LNX1: variants seen among roughly 807,000 people sequenced by gnomAD.
LNX1 encodes E3 ubiquitin-protein ligase LNX.
A neutral mutation model predicts 68.4 loss-of-function variants in LNX1; 54 were observed. The ratio of observed to expected loss-of-function variants is 0.79; its 90% confidence interval spans 0.63 to 0.99. The LOEUF (loss-of-function observed/expected upper bound fraction) is 0.99. LNX1 is among the 50% of genes least tolerant of loss of function. LNX1 has a pLI of 0.00. For synonymous variants in LNX1, 336 were observed against 350.0 expected, an observed-to-expected ratio of 0.96 and a Z score of 0.45; for missense variants, 906 against 926.4, an observed-to-expected ratio of 0.98 and a Z score of 0.29.
chr4:53,641,559 A>G (rs149449434), intron 1 of LNX1, among the ~76,000 whole-genome samples: 194 of 152,304 alleles, frequency 1.3e-3, no homozygotes, highest in African/African-American at 4.4e-3. Context: ...CAGGGGTTCA[A>G]CCTAATGCAC....
intron 2 of LNX1, among the ~76,000 whole-genome samples, chr4:53,557,150 T>A (rs1577709608): frequency 1.3e-5 from 2 of 152,242 alleles, no homozygotes; most frequent in East Asian, 3.8e-4. Context: ...ACATGAGGCA[T>A]TTCCTTGCAT....
At chr4:53,617,190 GTACC>G (rs1733710937) in intron 1 of LNX1, 1 of 51,636 alleles carries the variant, frequency 1.9e-5, no homozygotes, top group Admixed American at 2.2e-4. Context: ...ATAAGACCTA[GTACC>G]TAGTCTAATA....
At chr4:53,517,928 G>A (rs1056204590) in intron 2 of LNX1, among the ~76,000 whole-genome samples, 45 of 152,108 alleles carry the variant, frequency 3.0e-4, no homozygotes, top group African/African-American at 1.1e-3. Context: ...TCGCCCCAGA[G>A]GACAGGTGGA....
At chr4:53,618,908 A>G (rs1288651419), upstream of LNX1, among the ~76,000 whole-genome samples, 3 of 151,936 alleles carry the variant, frequency 2.0e-5, no homozygotes, top group Admixed American at 6.6e-5. Context: ...TGTTTTTTTT[A>G]TATGTATACA....
upstream of LNX1, among the ~76,000 whole-genome samples, chr4:53,592,085 C>G (rs1053133499): frequency 1.3e-5 from 2 of 151,940 alleles, no homozygotes; most frequent in Non-Finnish European, 2.9e-5. Context: ...TTTGCGCTAC[C>G]CCCTCCCCCG....
Position 53,459,589 on chromosome 4 carries a change from TAA to T in LNX1, c.*1316_*1317del, listed in dbSNP as rs1268169666. 9 of 1,211,020 alleles carry T rather than the reference TAA, an allele frequency of 7.4e-6. No homozygotes were observed. Among genetic ancestry groups the T allele is most frequent in the East Asian group, 2.4e-5 (1 of 42,332 alleles). The allele number at this position is 1,211,020 out of a possible 1,614,324, so 75.0% of individuals were successfully genotyped here. ...TGAAAAGTTAACTTTTTTTCCAAAATAAAAGAGTGAATTTTTCATGTTAAGTT... is the reference window on the plus strand; with the variant it reads ...TGAAAAGTTAACTTTTTTTCCAAAATAAGAGTGAATTTTTCATGTTAAGTT... On this transcript the variant is annotated 3_prime_UTR_variant, in exon 11 of 11. Coordinates refer to ENST00000263925, the MANE Select transcript of LNX1 (RefSeq NM_001126328.3).
At chr4:53,606,686 A>ACAT (rs753676776) in intron 2 of LNX1, among the ~76,000 whole-genome samples, 1 of 152,204 alleles carries the variant, frequency 6.6e-6, no homozygotes, top group Non-Finnish European at 1.5e-5. Flanking sequence ...TCTTTGATGA[A>ACAT]CATCAATGCA....
chr4:53,516,227 G>A (rs2109552810), intron 2 of LNX1, among the ~76,000 whole-genome samples: 1 of 152,144 alleles, frequency 6.6e-6, no homozygotes, highest in African/African-American at 2.4e-5. Flanking sequence ...GGGCAACAGA[G>A]CAACACCCTA....
Position 53,481,727 on chromosome 4 carries a change from G to A in LNX1, c.1478C>T (p.Thr493Ile), listed in dbSNP as rs1444719752. 3 of 1,613,586 alleles carry A rather than the reference G, an allele frequency of 1.9e-6. No individual in the cohort carries two copies. The highest frequency in any genetic ancestry group is 1.7e-5 in the Admixed American group (1 of 59,966). Reference protein sequence around the residue: ...WSPGPGERSNTPKPLHPTITC... With the variant: ...WSPGPGERSNIPKPLHPTITC... The stretch of plus-strand genomic sequence containing the variant: ...CTGCCCTAGAGGCCTCACCTTGGGA[G>A]TGTTGCTCCTCTCCCCTGGCCCTGG... The change falls in exon 7 of 11, where the codon ACT becomes ATT. Residue 493 changes from threonine to isoleucine, a missense_variant. Thr to Ile is a moderately conservative substitution (Grantham distance 89). Transcript: ENST00000263925.
chr4:53,628,511 C>T (rs1734156025), intron 1 of LNX1, among the ~76,000 whole-genome samples: 1 of 152,102 alleles, frequency 6.6e-6, no homozygotes, highest in Non-Finnish European at 1.5e-5. Flanking sequence ...GTGGATGTGA[C>T]AAAAGGGGAA....
intron 2 of LNX1, among the ~76,000 whole-genome samples, chr4:53,554,218 G>A (rs997652256): frequency 5.3e-5 from 8 of 152,180 alleles, no homozygotes; most frequent in Admixed American, 2.6e-4. Context: ...TGTCCAGCCC[G>A]CTGCCACTGG....
chr4:53,594,331 C>T (rs1180040488), upstream of LNX1, among the ~76,000 whole-genome samples: 1 of 152,084 alleles, frequency 6.6e-6, no homozygotes, highest in African/African-American at 2.4e-5. Flanking sequence ...AGTTGTAACT[C>T]TCTATGACAT....
At chr4:53,630,103 A>G (rs1489023056) in intron 1 of LNX1, among the ~76,000 whole-genome samples, 1 of 151,924 alleles carries the variant, frequency 6.6e-6, no homozygotes, top group Non-Finnish European at 1.5e-5. Flanking sequence ...TGGGGGGGGC[A>G]TGCGGGTGGG....
chr4:53,498,435 G>T (rs950878915), intron 5 of LNX1, among the ~76,000 whole-genome samples: 1 of 152,046 alleles, frequency 6.6e-6, no homozygotes, highest in Non-Finnish European at 1.5e-5. Context: ...AGAGAGAAAG[G>T]GGGGAGAGAG....
At position 53,460,310 on chromosome 4, in the gene LNX1, G is replaced by A. The variant is rs573429232; in HGVS notation, c.*597C>T. 11 of 189,704 alleles carry A rather than the reference G, an allele frequency of 5.8e-5. No individual in the cohort carries two copies. The highest frequency in any genetic ancestry group is 1.9e-4 in the African/African-American group (8 of 42,964). 11.8% of individuals were successfully genotyped at this position (189,704 alleles called of 1,614,324 possible). On this transcript the variant is annotated 3_prime_UTR_variant, in exon 11 of 11. Coordinates refer to ENST00000263925, the MANE Select transcript of LNX1 (RefSeq NM_001126328.3). ...CAAGTTTATAATTAATTCTCTGAGC[G>A]AGCATTTTTAGGGATAAGCCTAGGA...
Position 53,622,932 on chromosome 4 carries a change from G to A in LNX1, c.-215+29236C>T, listed in dbSNP as rs145158033. Among the ~76,000 whole-genome samples the A allele has an allele frequency of 3.7e-4, 56 of 152,316 alleles. No individual in the cohort carries two copies. In the East Asian group the frequency reaches 0.011, roughly 29 times the overall value. ...GAAGTAAAATATTATTCTTCTGGAG[G>A]AGAGTTTTAATGAGTGAATACAGTT... On this transcript the variant is annotated intron_variant, in intron 1 of 2. Coordinates refer to the LNX1 transcript ENST00000507168.
intron 2 of LNX1, among the ~76,000 whole-genome samples, chr4:53,598,196 G>A (rs1294619288): frequency 6.6e-6 from 1 of 151,624 alleles, no homozygotes; most frequent in East Asian, 1.9e-4. Context: ...TTCTGCACTC[G>A]TGACATACTC....
intron 6 of LNX1, among the ~76,000 whole-genome samples, chr4:53,490,322 T>C (rs1325984316): frequency 1.3e-5 from 2 of 152,244 alleles, no homozygotes; most frequent in East Asian, 3.8e-4. Context: ...ATCTTAGCTA[T>C]GACATCAGAC....
chr4:53,576,267 G>A, intron 1 of LNX1: 5 of 1,611,640 alleles, frequency 3.1e-6, no homozygotes, highest in East Asian at 2.2e-5. Flanking sequence ...TTTCAGATGG[G>A]TTAGCATACC....
Sources: gnomAD v4.1 joint callset for allele counts (sites outside exome capture counted in the v4.1 genomes callset) on GRCh38, gnomAD v4.1.1 for gene constraint, MANE v1.5 for transcripts, NCBI Gene and HGNC (gene_info 2026-07-23, HGNC 2026-07-21) for gene names.